MGAT4C: variants seen among roughly 807,000 people sequenced by gnomAD.
MGAT4C encodes the protein MGAT4 family member C, also known as alpha-1,3-mannosyl-glycoprotein 4-beta-N-acetylglucosaminyltransferase C.
In MGAT4C, 19 loss-of-function variants were observed where a neutral mutation model predicts 40.1. The observed-to-expected ratio is 0.47, with a 90% CI of 0.33 to 0.70. The LOEUF (loss-of-function observed/expected upper bound fraction) is 0.70. MGAT4C is among the 30% of genes least tolerant of loss of function. The pLI is 0.02. For synonymous variants in MGAT4C, 181 were observed against 187.1 expected, an observed-to-expected ratio of 0.97 and a Z score of 0.27; for missense variants, 491 against 563.2, an observed-to-expected ratio of 0.87 and a Z score of 1.30.
intron 1 of MGAT4C, among the ~76,000 whole-genome samples, chr12:86,249,332 T>G (rs1185421225): frequency 1.3e-5 from 2 of 152,204 alleles, no homozygotes; most frequent in African/African-American, 4.8e-5. Flanking sequence ...CCATCCAACA[T>G]TATCCATTAT....
chr12:86,142,830 T>C (rs1054084851), intron 1 of MGAT4C, among the ~76,000 whole-genome samples: 3 of 152,004 alleles, frequency 2.0e-5, no homozygotes, highest in Non-Finnish European at 2.9e-5. Flanking sequence ...AAAATTCATA[T>C]GTTGAAGCTC....
At chr12:86,420,276 C>A (rs192348436) in intron 3 of MGAT4C, among the ~76,000 whole-genome samples, 3 of 151,892 alleles carry the variant, frequency 2.0e-5, no homozygotes, top group African/African-American at 7.2e-5. Context: ...CAGTTACTCT[C>A]GAGGCGGGAG....
chr12:86,109,930 GA>G (rs1243100977), intron 1 of MGAT4C, among the ~76,000 whole-genome samples: 1 of 151,708 alleles, frequency 6.6e-6, no homozygotes, highest in East Asian at 1.9e-4. Flanking sequence ...AGCCTAGGAT[GA>G]AAAAAACTTC....
chr12:86,352,604 T>C (rs1955190254), intron 3 of MGAT4C, among the ~76,000 whole-genome samples: 1 of 152,150 alleles, frequency 6.6e-6, no homozygotes, highest in African/African-American at 2.4e-5. Context: ...TAGGGTTCCA[T>C]TACATAGATA....
At chr12:86,083,622 A>G (rs897014352) in intron 1 of MGAT4C, among the ~76,000 whole-genome samples, 8 of 152,034 alleles carry the variant, frequency 5.3e-5, no homozygotes, top group African/African-American at 1.9e-4. Flanking sequence ...ATAATCATTG[A>G]TGGTTAGAAC....
At chr12:86,700,065 T>TAGATAGATAGATA (rs1025301785) in intron 2 of MGAT4C, among the ~76,000 whole-genome samples, 85 of 27,722 alleles carry the variant, frequency 3.1e-3, no homozygotes, top group Non-Finnish European at 8.8e-3. Context: ...GATAGATAGA[T>TAGATAGATAGATA]AAGATAGATA....
intron 1 of MGAT4C, among the ~76,000 whole-genome samples, chr12:86,109,834 C>T (rs1235744748): frequency 1.3e-5 from 2 of 151,762 alleles, no homozygotes; most frequent in African/African-American, 4.8e-5. Context: ...AGTGACCACA[C>T]TGAGTTAATC....
intron 1 of MGAT4C, among the ~76,000 whole-genome samples, chr12:86,076,485 A>C (rs184365760): frequency 6.6e-6 from 1 of 152,158 alleles, no homozygotes. Flanking sequence ...CACTCTTGGT[A>C]GTACCAATTT....
At chr12:86,679,294 T>G (rs1949935307) in intron 2 of MGAT4C, among the ~76,000 whole-genome samples, 1 of 152,088 alleles carries the variant, frequency 6.6e-6, no homozygotes. Flanking sequence ...TCTTGTAAAT[T>G]TGTTTGAGTT....
chr12:86,198,725 C>G (rs1949917232), intron 1 of MGAT4C, among the ~76,000 whole-genome samples: 1 of 152,308 alleles, frequency 6.6e-6, no homozygotes, highest in Admixed American at 6.5e-5. Flanking sequence ...GAGCATGTCT[C>G]TGTTAACTTT....
chr12:86,051,612 A>G (rs930041894), intron 1 of MGAT4C, among the ~76,000 whole-genome samples: 2 of 151,772 alleles, frequency 1.3e-5, no homozygotes, highest in Admixed American at 6.6e-5. Flanking sequence ...TTTGTTATCA[A>G]ATCAAAATAA....
chr12:85,997,777 C>T (rs964160338), intron 2 of MGAT4C, among the ~76,000 whole-genome samples: 4 of 152,196 alleles, frequency 2.6e-5, no homozygotes, highest in Non-Finnish European at 5.9e-5. Flanking sequence ...CAAGGTACGG[C>T]CTCCCTTCAG....
chr12:86,390,243 A>G (rs2136227653), intron 3 of MGAT4C, among the ~76,000 whole-genome samples: 1 of 152,322 alleles, frequency 6.6e-6, no homozygotes, highest in East Asian at 1.9e-4. Context: ...GTAATACAAC[A>G]CTATTGTTGT....
At chr12:86,094,675 G>A (rs1873567087) in intron 1 of MGAT4C, among the ~76,000 whole-genome samples, 1 of 152,072 alleles carries the variant, frequency 6.6e-6, no homozygotes, top group Non-Finnish European at 1.5e-5. Flanking sequence ...ACTAGTTTTT[G>A]TAAGTATCTG....
intron 2 of MGAT4C, among the ~76,000 whole-genome samples, chr12:86,539,160 G>A (rs1959129939): frequency 1.3e-5 from 2 of 151,760 alleles, no homozygotes; most frequent in South Asian, 4.2e-4. Flanking sequence ...ATCTCCTAAT[G>A]CTATCCCTTC....
At chr12:86,563,662 G>A (rs1003878083) in intron 2 of MGAT4C, among the ~76,000 whole-genome samples, 14 of 152,158 alleles carry the variant, frequency 9.2e-5, no homozygotes, top group African/African-American at 2.9e-4. Flanking sequence ...CTTTTACCAG[G>A]GTAACTGTGC....
intron 3 of MGAT4C, among the ~76,000 whole-genome samples, chr12:86,342,661 G>C (rs544542732): frequency 5.3e-4 from 81 of 152,000 alleles, no homozygotes; most frequent in African/African-American, 1.9e-3. Context: ...GGATGATCTC[G>C]ATCTCCTGAT....
chr12:86,396,988 T>TTG (rs1956274854), intron 3 of MGAT4C, among the ~76,000 whole-genome samples: 1 of 15,398 alleles, frequency 6.5e-5, no homozygotes, highest in Non-Finnish European at 1.2e-4. Context: ...GAAGATCACT[T>TTG]GTACCCAAAC....
At chr12:86,135,904 AATTC>A (rs1362174435) in intron 1 of MGAT4C, among the ~76,000 whole-genome samples, 1 of 152,232 alleles carries the variant, frequency 6.6e-6, no homozygotes, top group Non-Finnish European at 1.5e-5. Context: ...ACTACTGATT[AATTC>A]ATTGTGACTC....
Sources: allele counts gnomAD v4.1 joint callset (sites outside exome capture counted in the v4.1 genomes callset), GRCh38; gene constraint gnomAD v4.1.1; transcripts MANE v1.5; gene names NCBI Gene and HGNC (gene_info 2026-07-23, HGNC 2026-07-21).